The following IQCM variants were observed in gnomAD, a reference collection of about 807,000 sequenced individuals.
IQCM encodes the protein IQ domain-containing protein M.
IQCM carries 45 observed loss-of-function variants against 57.6 expected under a neutral mutation model. The observed-to-expected ratio is 0.78, with a 90% confidence interval of 0.62 to 1.00. IQCM has a LOEUF of 1.00. Among genes scored for constraint, IQCM ranks in the 50% least tolerant of loss-of-function variants. The pLI, the probability that IQCM is intolerant of heterozygous loss-of-function variation, is 0.00. For synonymous variants in IQCM, 148 were observed against 158.9 expected, an observed-to-expected ratio of 0.93 and a Z score of 0.51; for missense variants, 468 against 511.6, an observed-to-expected ratio of 0.91 and a Z score of 0.82.
At chr4:149,704,520 T>C (rs1764012332) in intron 5 of IQCM, among the ~76,000 whole-genome samples, 2 of 151,828 alleles carry the variant, frequency 1.3e-5, no homozygotes, top group Admixed American at 1.3e-4. Context: ...ATCTCACCCT[T>C]TACAGAAAAC....
chr4:149,459,422 C>T (rs377558271), intron 12 of IQCM, among the ~76,000 whole-genome samples: 5 of 152,156 alleles, frequency 3.3e-5, no homozygotes, highest in African/African-American at 1.2e-4. Context: ...CCCCAACTTT[C>T]CCAATGTTTT....
intron 13 of IQCM, among the ~76,000 whole-genome samples, chr4:149,402,237 T>C (rs1732667000): frequency 6.6e-6 from 1 of 151,740 alleles, no homozygotes; most frequent in African/African-American, 2.4e-5. Context: ...CAACACTAGA[T>C]CCTATTGTGG....
intron 3 of IQCM, among the ~76,000 whole-genome samples, chr4:149,738,300 C>T (rs1245768495): frequency 6.6e-6 from 1 of 152,220 alleles, no homozygotes; most frequent in Non-Finnish European, 1.5e-5. Flanking sequence ...GCACGTTTCC[C>T]TGACACTTGC....
rs1324334923 is a variant in IQCM at position 149,660,621 on chromosome 4, G to A, written c.565+21497C>T. 5.4e-4 allele frequency among the ~76,000 whole-genome samples: 82 copies of A among 152,208 alleles called. 3 individuals carry two copies. The highest frequency in any genetic ancestry group is 1.9e-3 in the African/African-American group (78 of 41,542). On this transcript the variant is annotated intron_variant, in intron 7 of 13. Transcript: ENST00000636793. ...TGATAGACTGGATTAAGAAAATGTG[G>A]CACATATACACCATGGAATACTATG... is the stretch of plus-strand genomic sequence containing the variant.
At chr4:149,463,742 T>C (rs1225597893) in intron 12 of IQCM, among the ~76,000 whole-genome samples, 2 of 152,182 alleles carry the variant, frequency 1.3e-5, no homozygotes, top group African/African-American at 4.8e-5. Context: ...GCCTATAACA[T>C]TTTGATTAGG....
At chr4:149,538,525 A>G (rs1747529568) in intron 12 of IQCM, among the ~76,000 whole-genome samples, 1 of 152,012 alleles carries the variant, frequency 6.6e-6, no homozygotes, top group Non-Finnish European at 1.5e-5. Flanking sequence ...AATGACAGAC[A>G]TAAATGTAGC....
At chr4:149,633,220 C>T (rs957332114) in intron 7 of IQCM, among the ~76,000 whole-genome samples, 1 of 87,304 alleles carries the variant, frequency 1.1e-5, no homozygotes, top group African/African-American at 4.4e-5. Flanking sequence ...ATATAAGAAA[C>T]AAGAACAGTG....
intron 8 of IQCM, among the ~76,000 whole-genome samples, chr4:149,596,680 G>GT (rs1753811060): frequency 6.6e-6 from 1 of 152,040 alleles, no homozygotes; most frequent in South Asian, 2.1e-4. Context: ...ATTCCTAGAA[G>GT]TTTTCTAGGA....
At chr4:149,763,849 T>C (rs575596896) in intron 2 of IQCM, among the ~76,000 whole-genome samples, 2 of 148,604 alleles carry the variant, frequency 1.3e-5, no homozygotes, top group Admixed American at 6.8e-5. Flanking sequence ...AACAGGGAAC[T>C]TTTTTTTTTA....
intron 7 of IQCM, among the ~76,000 whole-genome samples, chr4:149,680,658 A>G (rs1383081823): frequency 6.6e-6 from 1 of 151,436 alleles, no homozygotes; most frequent in Non-Finnish European, 1.5e-5. Context: ...CTATGAAGTT[A>G]TGGTTCAATT....
intron 12 of IQCM, among the ~76,000 whole-genome samples, chr4:149,499,235 T>C (rs1036882006): frequency 2.6e-5 from 4 of 152,156 alleles, no homozygotes; most frequent in African/African-American, 7.2e-5. Flanking sequence ...ACAGGAAATG[T>C]CAGGTGCCAA....
intron 13 of IQCM, among the ~76,000 whole-genome samples, chr4:149,374,998 T>TGTGTG (rs10699278): frequency 0.021 from 2,809 of 132,460 alleles, 26 homozygotes; most frequent in Middle Eastern, 0.039. Flanking sequence ...TGTGTGTGTG[T>TGTGTG]TGTGTGTGTG....
chr4:149,559,426 C>T (rs1749909520), intron 10 of IQCM, among the ~76,000 whole-genome samples: 1 of 152,134 alleles, frequency 6.6e-6, no homozygotes, highest in Non-Finnish European at 1.5e-5. Context: ...AAATAGCTCA[C>T]CTAAGCTCAT....
intron 12 of IQCM, among the ~76,000 whole-genome samples, chr4:149,445,902 A>G (rs1042682159): frequency 1.3e-5 from 2 of 151,792 alleles, no homozygotes; most frequent in African/African-American, 4.8e-5. Flanking sequence ...TCTGCTACTG[A>G]TCTGGTTTTA....
chr4:149,810,768 T>C (rs748080057), intron 2 of IQCM, among the ~76,000 whole-genome samples: 4 of 152,176 alleles, frequency 2.6e-5, no homozygotes, highest in African/African-American at 7.2e-5. Flanking sequence ...ATAATTTTAA[T>C]TATTTTGAAC....
intron 2 of IQCM, among the ~76,000 whole-genome samples, chr4:149,792,287 C>T (rs1310833656): frequency 6.6e-6 from 1 of 151,950 alleles, no homozygotes; most frequent in Non-Finnish European, 1.5e-5. Flanking sequence ...ATGAAATATG[C>T]ATTTTTAACT....
At chr4:149,480,242 G>T (rs536074392) in intron 12 of IQCM, among the ~76,000 whole-genome samples, 155 of 152,080 alleles carry the variant, frequency 1.0e-3, no homozygotes, top group Non-Finnish European at 2.0e-3. Flanking sequence ...TTTTGGTGCA[G>T]GGATGCAATG....
intron 5 of IQCM, among the ~76,000 whole-genome samples, chr4:149,727,754 G>A (rs139823707): frequency 1.7e-4 from 26 of 152,256 alleles, no homozygotes; most frequent in African/African-American, 6.0e-4. Context: ...AGTCCAGGAA[G>A]TATGGAACAA....
intron 13 of IQCM, among the ~76,000 whole-genome samples, chr4:149,379,618 C>G (rs1730940207): frequency 6.6e-6 from 1 of 152,148 alleles, no homozygotes; most frequent in Admixed American, 6.6e-5. Context: ...TGCCTCTACC[C>G]CCATTTTATC....
Sources: gnomAD v4.1 joint callset for allele counts (sites outside exome capture counted in the v4.1 genomes callset) on GRCh38, gnomAD v4.1.1 for gene constraint, MANE v1.5 for transcripts, NCBI Gene and HGNC (gene_info 2026-07-23, HGNC 2026-07-21) for gene names.